The following PRKN variants were observed in gnomAD, a reference collection of about 807,000 sequenced individuals.
PRKN encodes the protein E3 ubiquitin-protein ligase parkin.
Under a neutral mutation model 59.5 loss-of-function variants are expected in PRKN, and 56 were observed. The ratio of observed to expected loss-of-function variants is 0.94; its 90% confidence interval spans 0.76 to 1.18. The LOEUF is 1.18. PRKN is among the 50% of genes most tolerant of loss of function. PRKN has a pLI of 0.00. For missense variants in PRKN, 657 were observed against 596.4 expected, an observed-to-expected ratio of 1.10 and a Z score of -1.06; for synonymous variants, 250 against 222.1, an observed-to-expected ratio of 1.13 and a Z score of -1.12.
chr6:162,000,955 T>C (rs1315388817), intron 5 of PRKN, among the ~76,000 whole-genome samples: 2 of 152,038 alleles, frequency 1.3e-5, no homozygotes, highest in Non-Finnish European at 2.9e-5. Context: ...CATTTGACTA[T>C]GTATGGGTCT....
intron 9 of PRKN, among the ~76,000 whole-genome samples, chr6:161,455,782 G>A (rs1485764970): frequency 3.3e-5 from 5 of 150,150 alleles, no homozygotes; most frequent in Non-Finnish European, 7.4e-5. Flanking sequence ...GGAATCTCTC[G>A]AACCCGGGAG....
chr6:161,890,271 C>T (rs1003753000), intron 6 of PRKN, among the ~76,000 whole-genome samples: 1 of 152,174 alleles, frequency 6.6e-6, no homozygotes, highest in African/African-American at 2.4e-5. Context: ...TCCCTGTTCT[C>T]TTTGCCAACC....
chr6:161,875,104 ATATATATTATATATAAAG>A (rs1361840407), intron 6 of PRKN, among the ~76,000 whole-genome samples: 12 of 131,306 alleles, frequency 9.1e-5, no homozygotes, highest in Non-Finnish European at 3.1e-5. Context: ...TATATAAAGT[ATATATATTATATATAAAG>A]TATATATTAT....
At chr6:162,259,705 C>G (rs190823946) in intron 3 of PRKN, among the ~76,000 whole-genome samples, 2 of 152,176 alleles carry the variant, frequency 1.3e-5, no homozygotes, top group African/African-American at 2.4e-5. Context: ...ATAAAGCATT[C>G]GCTCTAAAAG....
chr6:161,874,953 C>A (rs1270151579), intron 6 of PRKN, among the ~76,000 whole-genome samples: 8 of 71,512 alleles, frequency 1.1e-4, no homozygotes, highest in African/African-American at 3.2e-4. Context: ...ATTATAGGTA[C>A]TTTATATATA....
rs540072703 is a variant in PRKN, at chr6:161,397,329, A to C, written c.1084-10452T>G. ...AGGACAATTGTGTACTCCATGATAC[A>C]ATGCACAATCATGGGTTGAATTGAG... On this transcript the variant is annotated intron_variant, in intron 9 of 11. Transcript: ENST00000366898. The surrounding 1 kb of genome is among the most constrained non-coding windows in gnomAD (Gnocchi z 4.2). Among the ~76,000 whole-genome samples the C allele has an allele frequency of 1.3e-5, 2 of 152,310 alleles. No individual in the cohort carries two copies. Among genetic ancestry groups the C allele is most frequent in the African/African-American group, 4.8e-5 (2 of 41,564 alleles).
At chr6:162,310,760 T>TAA (rs67313116) in intron 2 of PRKN, among the ~76,000 whole-genome samples, 8 of 142,984 alleles carry the variant, frequency 5.6e-5, no homozygotes, top group South Asian at 2.1e-4. Context: ...TATATATATA[T>TAA]AAAAAAAAGC....
At chr6:162,423,162 TTCCTAGATAC>T (rs1166210506) in intron 2 of PRKN, among the ~76,000 whole-genome samples, 1 of 152,146 alleles carries the variant, frequency 6.6e-6, no homozygotes, top group African/African-American at 2.4e-5. Flanking sequence ...TGGGGTTACA[TTCCTAGATAC>T]TCTTGGATTC....
In PRKN at chr6:161,352,755, G is replaced by GTATATATATATATATATATA. The variant is rs1554251151; in HGVS notation, c.1286-2545_1286-2544insTATATATATATATATATATA. On this transcript the variant is annotated intron_variant, in intron 11 of 11. Coordinates refer to ENST00000366898, the MANE Select transcript of PRKN (RefSeq NM_004562.3). The surrounding 1 kb of genome is among the most constrained non-coding windows in gnomAD (Gnocchi z 5.8). Reference sequence around the variant, plus strand: ...TGTGTGTGTGTGTGTGTGTGTGTGTGTATATATATATATATATTTTATTTT... The same window carrying GTATATATATATATATATATA: ...TGTGTGTGTGTGTGTGTGTGTGTGTGTATATATATATATATATATATATATATATATATATATTTTATTTT... Among the ~76,000 whole-genome samples, 158 of 134,330 alleles carry GTATATATATATATATATATA rather than the reference G, an allele frequency of 1.2e-3. 1 individual carries two copies. Among genetic ancestry groups the GTATATATATATATATATATA allele is most frequent in the African/African-American group, 4.1e-3 (148 of 35,740 alleles). The allele number at this position is 134,330 out of a possible 152,430, so 88.1% of individuals were successfully genotyped here.
At chr6:162,012,170 A>G (rs1782753516) in intron 5 of PRKN, among the ~76,000 whole-genome samples, 1 of 152,114 alleles carries the variant, frequency 6.6e-6, no homozygotes, top group African/African-American at 2.4e-5. Flanking sequence ...GCCAAAGCCC[A>G]TATTTGATTT....
In PRKN at chr6:162,669,403, A is replaced by G. The variant is rs536456051; in HGVS notation, c.7+58259T>C. Among the ~76,000 whole-genome samples the G allele has an allele frequency of 2.6e-5, 4 of 152,280 alleles. 1 individual carries two copies. The South Asian group carries it at 8.3e-4, about 32-fold the overall frequency. The stretch of plus-strand genomic sequence containing the variant: ...CACTATGTTTTAAAGAGGACTGTTT[A>G]TTTAGAGATCTGGATGGTAAGCTAA... On this transcript the variant is annotated intron_variant, in intron 1 of 11. Coordinates refer to ENST00000366898, the MANE Select transcript of PRKN (RefSeq NM_004562.3).
At chr6:162,617,889 G>T (rs1411159541) in intron 1 of PRKN, among the ~76,000 whole-genome samples, 1 of 151,898 alleles carries the variant, frequency 6.6e-6, no homozygotes, top group Non-Finnish European at 1.5e-5. Flanking sequence ...CTTTCCTAAG[G>T]GGTTTCAATG....
At chr6:161,733,959 TACACACACACACACACACACACACAC>T (rs10597403) in intron 7 of PRKN, among the ~76,000 whole-genome samples, 2 of 133,594 alleles carry the variant, frequency 1.5e-5, no homozygotes, top group South Asian at 5.1e-4. Context: ...AAAATTCATT[TACACACACACACACACACACACACAC>T]ACACACACAC....
chr6:161,914,868 T>C (rs1468147608), intron 6 of PRKN, among the ~76,000 whole-genome samples: 1 of 152,064 alleles, frequency 6.6e-6, no homozygotes, highest in African/African-American at 2.4e-5. Flanking sequence ...TAAATGTGTC[T>C]ATGGGGAAGC....
rs940668538 is a variant in PRKN, at chr6:161,529,514, C to A, written c.1083+19340G>T. ...GTGAAATGGCTTACTTATGATCTCA[C>A]AGCAATGGGACAGAGAAATGGCTGG... is the stretch of plus-strand genomic sequence containing the variant. On this transcript the variant is annotated intron_variant, in intron 9 of 11. Transcript: ENST00000366898. This position sits in a 1 kb window ranked among gnomAD's most constrained non-coding sequence, Gnocchi z 4.4. Among the ~76,000 whole-genome samples, 2 of 152,166 alleles carry A rather than the reference C, an allele frequency of 1.3e-5. No homozygotes were observed. Among genetic ancestry groups the A allele is most frequent in the Admixed American group, 1.3e-4 (2 of 15,280 alleles).
intron 4 of PRKN, among the ~76,000 whole-genome samples, chr6:162,124,682 A>T (rs1363958633): frequency 6.6e-6 from 1 of 152,174 alleles, no homozygotes; most frequent in Non-Finnish European, 1.5e-5. Flanking sequence ...AGAACTGTCT[A>T]ACATCCAAGA....
chr6:162,154,447 T>C (rs1782413706), intron 4 of PRKN, among the ~76,000 whole-genome samples: 1 of 151,616 alleles, frequency 6.6e-6, no homozygotes, highest in South Asian at 2.1e-4. Flanking sequence ...GTGAAGTAGA[T>C]GTGTTACAAT....
intron 1 of PRKN, among the ~76,000 whole-genome samples, chr6:162,474,126 G>T (rs1231851134): frequency 1.3e-5 from 2 of 152,122 alleles, no homozygotes; most frequent in African/African-American, 4.8e-5. Context: ...TTAATCAAAT[G>T]ACTTATTATC....
intron 4 of PRKN, among the ~76,000 whole-genome samples, chr6:162,188,544 C>T (rs1784126535): frequency 6.6e-6 from 1 of 152,200 alleles, no homozygotes; most frequent in Non-Finnish European, 1.5e-5. Flanking sequence ...CCTGGTCCTA[C>T]TTAAGAGCAC....
Sources: gnomAD v4.1 joint callset for allele counts (sites outside exome capture counted in the v4.1 genomes callset) on GRCh38, gnomAD v4.1.1 for gene constraint, Gnocchi (gnomAD v3.1) non-coding constraint, MANE v1.5 for transcripts, NCBI Gene and HGNC (gene_info 2026-07-23, HGNC 2026-07-21) for gene names.